EYS: variants seen among roughly 807,000 people sequenced by gnomAD.
The protein encoded by EYS is protein eyes shut homolog.
EYS carries 250 observed loss-of-function variants against 282.1 expected under a neutral mutation model. The ratio of observed to expected loss-of-function variants is 0.89; its 90% CI spans 0.80 to 0.98. EYS has a LOEUF of 0.98. Among genes scored for constraint, EYS ranks in the 50% least tolerant of loss-of-function variants. The pLI is 0.00. For synonymous variants in EYS, 1,355 were observed against 1,282.9 expected (o/e 1.06, Z -1.20); for missense variants, 4,016 against 3,709.0 (o/e 1.08, Z -2.15).
intron 41 of EYS, among the ~76,000 whole-genome samples, chr6:63,747,460 G>A (rs149582545): frequency 1.3e-5 from 2 of 152,126 alleles, no homozygotes; most frequent in African/African-American, 4.8e-5. Context: ...TGTCTATTAG[G>A]TCCTCTTGCT....
chr6:65,648,312 ATATGTG>A (rs1019545552), intron 1 of EYS, among the ~76,000 whole-genome samples: 1 of 84,222 alleles, frequency 1.2e-5, no homozygotes, highest in African/African-American at 3.8e-5. Flanking sequence ...TAAAGAAAAT[ATATGTG>A]TGTGTGTGTG....
intron 1 of EYS, among the ~76,000 whole-genome samples, chr6:65,689,087 T>C (rs79748196): frequency 0.81 from 120,551 of 149,730 alleles, 49,555 homozygotes; most frequent in Non-Finnish European, 0.82. Flanking sequence ...ATGTTTATTG[T>C]GGCACTGTTC....
chr6:64,600,659 A>G (rs1314865394), intron 24 of EYS, among the ~76,000 whole-genome samples: 2 of 152,104 alleles, frequency 1.3e-5, no homozygotes, highest in Non-Finnish European at 2.9e-5. Flanking sequence ...CTTTTCCAGC[A>G]TACTACCAGT....
intron 12 of EYS, among the ~76,000 whole-genome samples, chr6:65,086,193 A>C (rs75905525): frequency 6.6e-6 from 1 of 152,030 alleles, no homozygotes; most frequent in Non-Finnish European, 1.5e-5. Context: ...GCACATGCCT[A>C]TAATTCCACC....
At chr6:64,748,694 CT>C (rs1772639084) in intron 22 of EYS, among the ~76,000 whole-genome samples, 1 of 152,158 alleles carries the variant, frequency 6.6e-6, no homozygotes. Context: ...ACCAAGTGGG[CT>C]TGGGAAGAGG....
intron 15 of EYS, among the ~76,000 whole-genome samples, chr6:64,941,419 T>C (rs1315574350): frequency 6.6e-6 from 1 of 152,016 alleles, no homozygotes. Flanking sequence ...TTATTAAGCT[T>C]TTGGAATAAT....
At chr6:64,801,678 A>T (rs1691967857) in intron 22 of EYS, among the ~76,000 whole-genome samples, 1 of 152,192 alleles carries the variant, frequency 6.6e-6, no homozygotes, top group South Asian at 2.1e-4. Flanking sequence ...TGAAAAGGCT[A>T]ATAGATGTGT....
At chr6:65,157,793 T>C (rs919694336) in intron 12 of EYS, among the ~76,000 whole-genome samples, 1 of 150,694 alleles carries the variant, frequency 6.6e-6, no homozygotes, top group African/African-American at 2.4e-5. Context: ...TGACAGGTTT[T>C]TTCCCCCCAT....
chr6:65,391,541 G>T (rs1287376179), intron 7 of EYS, among the ~76,000 whole-genome samples: 1 of 152,076 alleles, frequency 6.6e-6, no homozygotes, highest in Non-Finnish European at 1.5e-5. Context: ...CAAACAGAGA[G>T]CCAAATCATG....
chr6:65,416,873 T>C (rs1041760852), intron 5 of EYS, among the ~76,000 whole-genome samples: 4 of 151,966 alleles, frequency 2.6e-5, no homozygotes, highest in Admixed American at 6.6e-5. Context: ...AAATGGTTGC[T>C]AGGAGCTCTG....
intron 1 of EYS, among the ~76,000 whole-genome samples, chr6:65,691,863 G>C (rs1478710657): frequency 6.7e-6 from 1 of 150,174 alleles, no homozygotes; most frequent in African/African-American, 2.4e-5. Flanking sequence ...TCTTGTTTTT[G>C]TCAGGTTTGC....
intron 35 of EYS, among the ~76,000 whole-genome samples, chr6:63,937,349 T>C (rs1175788903): frequency 5.6e-4 from 12 of 21,534 alleles, no homozygotes; most frequent in African/African-American, 2.1e-3. Context: ...TCTTTTCTTT[T>C]TTTTTTTTTT....
Position 64,829,895 on chromosome 6 carries a change from A to T in EYS, c.2993-7073T>A, listed in dbSNP as rs1451345939. On this transcript the variant is annotated intron_variant, in intron 19 of 42. Coordinates refer to ENST00000503581, the MANE Select transcript of EYS (RefSeq NM_001142800.2). The stretch of plus-strand genomic sequence containing the variant: ...CAGGAATCTAGAGGCACTGATTACC[A>T]GGGGAGGGACCCTTGCGCTAGAGAA... 2.0e-5 allele frequency among the ~76,000 whole-genome samples: 3 copies of T among 152,058 alleles called. No individual in the cohort carries two copies. In the East Asian group the frequency reaches 5.8e-4, roughly 30 times the overall value.
chr6:65,519,501 T>C (rs891027480), intron 2 of EYS, among the ~76,000 whole-genome samples: 1 of 149,828 alleles, frequency 6.7e-6, no homozygotes, highest in African/African-American at 2.5e-5. Flanking sequence ...TAAATATATG[T>C]ATATTAATCT....
intron 33 of EYS, among the ~76,000 whole-genome samples, chr6:64,007,504 GATTTTGATT>G (rs2149808911): frequency 6.6e-6 from 1 of 151,682 alleles, no homozygotes; most frequent in Admixed American, 6.6e-5. Flanking sequence ...GTTCAGTTCT[GATTTTGATT>G]ATTTCTTGTC....
chr6:64,398,073 A>G (rs376432265), intron 28 of EYS, among the ~76,000 whole-genome samples: 60 of 152,026 alleles, frequency 3.9e-4, no homozygotes, highest in African/African-American at 1.4e-3. Flanking sequence ...TCCAGAAAAT[A>G]TTATCTTTAA....
intron 14 of EYS, among the ~76,000 whole-genome samples, chr6:64,981,333 C>A (rs1030995769): frequency 6.6e-6 from 1 of 151,206 alleles, no homozygotes; most frequent in African/African-American, 2.4e-5. Context: ...AACTGACTTC[C>A]CTCTTTTTAG....
chr6:63,966,736 C>A (rs1766328682), intron 35 of EYS, among the ~76,000 whole-genome samples: 1 of 152,158 alleles, frequency 6.6e-6, no homozygotes, highest in Non-Finnish European at 1.5e-5. Context: ...ATAGCTTGAA[C>A]CACATAGCAT....
intron 12 of EYS, among the ~76,000 whole-genome samples, chr6:65,109,879 T>A (rs909776715): frequency 6.6e-6 from 1 of 152,176 alleles, no homozygotes; most frequent in Non-Finnish European, 1.5e-5. Flanking sequence ...ACGTGTTTTA[T>A]AATTTTCTTC....
Sources: allele counts gnomAD v4.1 joint callset (sites outside exome capture counted in the v4.1 genomes callset), GRCh38; gene constraint gnomAD v4.1.1; transcripts MANE v1.5; gene names NCBI Gene and HGNC (gene_info 2026-07-23, HGNC 2026-07-21).